The following DRC9 variants were observed in gnomAD, a reference collection of about 807,000 sequenced individuals.
DRC9 encodes dynein regulatory complex protein 9.
the DRC9 span, chr3:197,916,171 C>T: frequency 3.3e-5 from 5 of 152,220 alleles, no homozygotes; most frequent in African/African-American, 9.7e-5. Flanking sequence ...GGGGGTCTCA[C>T]TCTGTTGCCC....
the DRC9 span, chr3:197,913,971 A>AT: frequency 6.2e-7 from 1 of 1,613,968 alleles, no homozygotes; most frequent in Non-Finnish European, 8.5e-7. Flanking sequence ...TCATGTAGCG[A>AT]TTCTCCAAGT....
the DRC9 span, among the ~76,000 whole-genome samples, chr3:197,951,964 A>G: frequency 1.3e-5 from 2 of 151,960 alleles, no homozygotes; most frequent in South Asian, 4.2e-4. Flanking sequence ...CTTAATGGGG[A>G]GTTTTAGAAG....
At chr3:197,950,599 A>G in the DRC9 span, 1 of 381,870 alleles carries the variant, frequency 2.6e-6, no homozygotes, top group Non-Finnish European at 4.7e-6. Context: ...TAAAAGTCTT[A>G]CGTGTGTGTT....
chr3:197,912,726 T>C, the DRC9 span: 1 of 1,613,842 alleles, frequency 6.2e-7, no homozygotes, highest in South Asian at 1.1e-5. Context: ...TCCGGGCCTC[T>C]TCTTCGGTTT....
the DRC9 span, among the ~76,000 whole-genome samples, chr3:197,917,189 C>T: frequency 2.7e-4 from 41 of 152,300 alleles, no homozygotes; most frequent in Admixed American, 2.0e-3. Context: ...TGGTGGCATG[C>T]GCCTGTAGTC....
chr3:197,952,314 C>T, the DRC9 span, among the ~76,000 whole-genome samples: 6 of 151,514 alleles, frequency 4.0e-5, no homozygotes, highest in South Asian at 2.1e-4. Flanking sequence ...GGATTACAGG[C>T]GGCCGCCACC....
the DRC9 span, among the ~76,000 whole-genome samples, chr3:197,943,463 C>T: frequency 4.0e-5 from 6 of 151,846 alleles, no homozygotes; most frequent in African/African-American, 9.7e-5. Flanking sequence ...TAGTGAGATC[C>T]CATCTCTATA....
At chr3:197,890,755 C>T in the DRC9 span, among the ~76,000 whole-genome samples, 7 of 152,224 alleles carry the variant, frequency 4.6e-5, no homozygotes, top group Non-Finnish European at 1.0e-4. Context: ...ACTTACACAT[C>T]TGACTCCTTA....
At chr3:197,896,472 CAAAAT>C in the DRC9 span, among the ~76,000 whole-genome samples, 2 of 150,766 alleles carry the variant, frequency 1.3e-5, no homozygotes, top group African/African-American at 5.0e-5. Context: ...AAGAAGGAAA[CAAAAT>C]AAAGTATATA....
At chr3:197,950,217 T>G in the DRC9 span, 32 of 1,231,324 alleles carry the variant, frequency 2.6e-5, no homozygotes, top group South Asian at 1.1e-3. Context: ...TTGGCTCCTG[T>G]GGAGGTGAGT....
the DRC9 span, chr3:197,958,418 CAT>C: frequency 6.6e-6 from 1 of 152,196 alleles, no homozygotes; most frequent in Non-Finnish European, 1.5e-5. Flanking sequence ...AGAATTCTAA[CAT>C]GTTTCTGGCT....
At chr3:197,946,315 G>A in the DRC9 span, among the ~76,000 whole-genome samples, 2 of 151,184 alleles carry the variant, frequency 1.3e-5, no homozygotes, top group Non-Finnish European at 2.9e-5. Flanking sequence ...GGTGCCTGTA[G>A]TCCCAGCTAC....
chr3:197,958,754 C>T, the DRC9 span: 1 of 152,226 alleles, frequency 6.6e-6, no homozygotes, highest in Non-Finnish European at 1.5e-5. Flanking sequence ...TGAGATGATG[C>T]AGCATTTGTA....
the DRC9 span, chr3:197,913,507 A>G: frequency 2.9e-6 from 1 of 344,392 alleles, no homozygotes; most frequent in South Asian, 3.6e-5. Context: ...TGGAGGAGTG[A>G]AAGGTACTGG....
chr3:197,941,610 G>A, the DRC9 span, among the ~76,000 whole-genome samples: 1 of 145,028 alleles, frequency 6.9e-6, no homozygotes, highest in Non-Finnish European at 1.5e-5. Flanking sequence ...ACCCAGGTTG[G>A]CATGCAGTGG....
At chr3:197,950,760 G>A in the DRC9 span, 2 of 625,798 alleles carry the variant, frequency 3.2e-6, no homozygotes, top group South Asian at 3.9e-5. Flanking sequence ...GTTCTCTGAG[G>A]TTTGAATGTC....
At chr3:197,944,051 T>C in the DRC9 span, 1 of 1,608,944 alleles carries the variant, frequency 6.2e-7, no homozygotes, top group Non-Finnish European at 8.5e-7. Flanking sequence ...CCAGGCTGTC[T>C]CTAAGGAAAG....
the DRC9 span, among the ~76,000 whole-genome samples, chr3:197,935,429 ACT>A: frequency 6.9e-6 from 1 of 145,426 alleles, no homozygotes. Context: ...ACAGAACGAG[ACT>A]CTGTCTCCAA....
At chr3:197,943,840 G>T in the DRC9 span, 2 of 1,614,104 alleles carry the variant, frequency 1.2e-6, no homozygotes. Flanking sequence ...ATAGAGAGCT[G>T]GTCTGTGGTG....
Sources: gnomAD v4.1 joint callset for allele counts (sites outside exome capture counted in the v4.1 genomes callset) on GRCh38, gnomAD v4.1.1 for gene constraint, MANE v1.5 for transcripts, NCBI Gene and HGNC (gene_info 2026-07-23, HGNC 2026-07-21) for gene names.